SYDE2: variants seen among roughly 807,000 people sequenced by gnomAD.
SYDE2 encodes rho GTPase-activating protein SYDE2.
Under a neutral mutation model 91.5 loss-of-function variants are expected in SYDE2, and 76 were observed. The observed-to-expected ratio is 0.83, with a 90% CI of 0.69 to 1.01. SYDE2 has a LOEUF of 1.01. Ranked by LOEUF, SYDE2 falls within the 50% of genes least tolerant of loss-of-function variation. SYDE2 has a pLI of 0.00. For missense variants in SYDE2, 1,364 were observed against 1,367.7 expected (o/e 1.00, Z 0.04); for synonymous variants, 513 against 506.4 (o/e 1.01, Z -0.18).
At chr1:85,155,769 A>G (rs1180195074), downstream of SYDE2, among the ~76,000 whole-genome samples, 1 of 152,178 alleles carries the variant, frequency 6.6e-6, no homozygotes, top group African/African-American at 2.4e-5. Context: ...AGTGTTTAGA[A>G]TAAATATACA....
rs765097466 is a variant in SYDE2 at position 85,200,702 on chromosome 1, A to G, written c.295T>C (p.Phe99Leu). Residue 99 changes from phenylalanine (F) to leucine (L), a missense_variant, in exon 1 of 7, where the codon TTC (phenylalanine) becomes CTC (leucine). Phe to Leu is a conservative substitution (Grantham distance 22). Coordinates refer to ENST00000341460, the MANE Select transcript of SYDE2 (RefSeq NM_032184.2). The part of the protein sequence containing the change: ...SLRVGAKPPP[F>L]QRWPSDSWIR... ...CAGCTGTCGCTCGGCCACCGCTGGA[A>G]GGGAGGCGGCTTGGCACCCACCCGG... The G allele has an allele frequency of 6.5e-6, 10 of 1,536,476 alleles. No homozygotes were observed. In the East Asian group the frequency reaches 9.8e-5, roughly 15 times the overall value.
intron 6 of SYDE2, chr1:85,159,925 A>G: frequency 4.1e-6 from 4 of 984,674 alleles, no homozygotes; most frequent in Non-Finnish European, 4.8e-6. Context: ...AACAATCCCA[A>G]ATAACATTTT....
Position 85,189,780 on chromosome 1 carries a change from C to T in SYDE2, c.1441+277G>A, listed in dbSNP as rs146104436. Among the ~76,000 whole-genome samples the T allele has an allele frequency of 4.4e-4, 67 of 152,224 alleles. 1 individual carries two copies. The East Asian group carries it at 0.011, about 25-fold the overall frequency. On this transcript the variant is annotated intron_variant, in intron 2 of 6. Transcript: ENST00000341460. ...GAGCCTGGAGGTCAAGGCTGCGGTGCGCCATGATTGTGCCACTGCACTCTA... is the reference window on the plus strand; with the variant it reads ...GAGCCTGGAGGTCAAGGCTGCGGTGTGCCATGATTGTGCCACTGCACTCTA...
chr1:85,178,102 T>A, intron 4 of SYDE2, 44 bp downstream of exon 4: 2 of 1,440,634 alleles, frequency 1.4e-6, no homozygotes, highest in Non-Finnish European at 1.9e-6. Flanking sequence ...CTTGCAGATG[T>A]AGTCTTTCCA....
intron 1 of SYDE2, among the ~76,000 whole-genome samples, chr1:85,197,550 A>G (rs1658633935): frequency 6.6e-6 from 1 of 152,254 alleles, no homozygotes; most frequent in South Asian, 2.1e-4. Flanking sequence ...TGCAGAAAAC[A>G]TGATTTAAAA....
chr1:85,190,997 C>A (rs817452), intron 1 of SYDE2, among the ~76,000 whole-genome samples: 41,373 of 151,702 alleles, frequency 0.27, 8,068 homozygotes, highest in African/African-American at 0.55. Flanking sequence ...AAACTCTGAG[C>A]CTGCCTTTAT....
At chr1:85,193,989 C>T (rs560276146) in intron 1 of SYDE2, among the ~76,000 whole-genome samples, 7 of 151,858 alleles carry the variant, frequency 4.6e-5, no homozygotes, top group African/African-American at 1.4e-4. Context: ...TTGCTATTGC[C>T]GAATATTTTA....
At chr1:85,169,659 A>G (rs1450363861) in intron 4 of SYDE2, among the ~76,000 whole-genome samples, 2 of 152,224 alleles carry the variant, frequency 1.3e-5, no homozygotes, top group African/African-American at 2.4e-5. Flanking sequence ...AAGAGTACCA[A>G]TTGTCTGAAA....
intron 5 of SYDE2, among the ~76,000 whole-genome samples, chr1:85,167,213 C>CAA (rs74838837): frequency 2.0e-3 from 165 of 81,298 alleles, no homozygotes; most frequent in East Asian, 7.2e-3. Context: ...GACCCTGTCT[C>CAA]AAAAAAAAAA....
Position 85,200,914 on chromosome 1 carries a change from G to C in SYDE2, c.83C>G (p.Ala28Gly). 7.6e-7 allele frequency: 1 copy of C among 1,321,470 alleles called. No homozygotes were observed. Among genetic ancestry groups the C allele is most frequent in the Non-Finnish European group, 9.6e-7 (1 of 1,044,840 alleles). The allele number at this position is 1,321,470 out of a possible 1,614,324, so 81.9% of individuals were successfully genotyped here. A position where few individuals can be genotyped will look rare whatever the true frequency, so the allele number is the denominator to read the frequency against. Residue 28 changes from alanine (A) to glycine (G), a missense_variant, in exon 1 of 7, where the codon GCT (alanine) becomes GGT (glycine). Coordinates refer to ENST00000341460, the MANE Select transcript of SYDE2 (RefSeq NM_032184.2). ...ADHSFPAGAR[A>G]PGQPPSRGAA... is the part of the protein sequence containing the mutation. ...GCCGCGGGAAGGCGGCTGGCCCGGAGCCCGGGCTCCCGCGGGGAAGCTGTG... is the reference window on the plus strand; with the variant it reads ...GCCGCGGGAAGGCGGCTGGCCCGGACCCCGGGCTCCCGCGGGGAAGCTGTG...
Position 85,200,293 on chromosome 1 carries a change from C to A in SYDE2, c.704G>T (p.Arg235Leu). 1 of 1,614,018 alleles carries A rather than the reference C, an allele frequency of 6.2e-7. No individual in the cohort carries two copies. Among genetic ancestry groups the A allele is most frequent in the Non-Finnish European group, 8.5e-7 (1 of 1,179,894 alleles). The change falls in exon 1 of 7, where the codon CGT (arginine) becomes CTT (leucine). Residue 235 changes from arginine to leucine, a missense_variant. Transcript: ENST00000341460. The part of the protein sequence containing the change: ...NVGALKVREN[R>L]VLSVPPDQRI... ...TTGGTCTGGAGGCACCGACAGGACA[C>A]GGTTTTCACGCACTTTCAAAGCGCC...
At chr1:85,159,691 G>A (rs1656988748) in intron 6 of SYDE2, 1 of 228,064 alleles carries the variant, frequency 4.4e-6, no homozygotes, top group African/African-American at 2.3e-5. Flanking sequence ...GGCATCTAAA[G>A]TGATCAGCCT....
chr1:85,182,670 T>C lies in SYDE2; in HGVS notation c.1972A>G (p.Ile658Val), dbSNP rs1380973026. ...IISNSCSKNE[I>V]DIDAFRHYSF... is the part of the protein sequence containing the mutation. ...TAATGCCTAAAAGCATCAATGTCTATTTCATTCTTGCTACAACTATTTGAA... is the reference window on the plus strand; with the variant it reads ...TAATGCCTAAAAGCATCAATGTCTACTTCATTCTTGCTACAACTATTTGAA... The change falls in exon 3 of 7, where the codon ATA becomes GTA. Residue 658 changes from isoleucine (I) to valine (V), a missense_variant. Physicochemically the swap from Ile to Val is conservative, Grantham distance 29 (BLOSUM62 3). Transcript: ENST00000341460. 2 of 1,613,726 alleles carry C rather than the reference T, an allele frequency of 1.2e-6. No homozygotes were observed. Among genetic ancestry groups the C allele is most frequent in the Non-Finnish European group, 1.7e-6 (2 of 1,179,826 alleles).
rs534888124 is a variant in SYDE2, at chr1:85,181,952, C to T, written c.2544+146G>A. On this transcript the variant is annotated intron_variant, in intron 3 of 6. Transcript: ENST00000341460. ...CATGAGTCAAGTTAAAAATTATACC[C>T]TAAACAGTAATGGAATAAAAATAAA... The T allele has an allele frequency of 1.0e-4, 93 of 894,404 alleles. 1 individual carries two copies. In the South Asian group the frequency reaches 1.4e-3, roughly 13 times the overall value. The allele number at this position is 894,404 out of a possible 1,614,324, so 55.4% of individuals were successfully genotyped here.
rs1331370515 is a variant in SYDE2 at position 85,190,656 on chromosome 1, CTGT to C, written c.839_841del (p.Asn280del). 3.7e-6 allele frequency: 6 copies of C among 1,613,902 alleles called. No homozygotes were observed. The highest frequency in any genetic ancestry group is 1.1e-5 in the South Asian group (1 of 91,086). On this transcript the variant is annotated inframe_deletion, in exon 2 of 7. Coordinates refer to ENST00000341460, the MANE Select transcript of SYDE2 (RefSeq NM_032184.2). Reference sequence around the variant, plus strand: ...ATTGCGTTTCTTTGAAACAGTGATGCTGTTAAGTGGCTTATGACCTCTGAATTC... The same window carrying C: ...ATTGCGTTTCTTTGAAACAGTGATGCTAAGTGGCTTATGACCTCTGAATTC...
chr1:85,160,752 G>A, intron 6 of SYDE2: 1 of 985,218 alleles, frequency 1.0e-6, no homozygotes, highest in Non-Finnish European at 1.2e-6. Context: ...TGCTAGCCTT[G>A]AGGTTATCTG....
At chr1:85,189,606 T>G (rs1448435417) in intron 2 of SYDE2, among the ~76,000 whole-genome samples, 1 of 152,136 alleles carries the variant, frequency 6.6e-6, no homozygotes, top group African/African-American at 2.4e-5. Context: ...GAGGCCAAAG[T>G]AGGCAGATGG....
intron 5 of SYDE2, among the ~76,000 whole-genome samples, chr1:85,167,115 G>A (rs147317907): frequency 0.013 from 1,910 of 151,548 alleles, 32 homozygotes; most frequent in African/African-American, 0.045. Context: ...TTGGGGGGCT[G>A]AGGCAGGAGG....
At position 85,169,039 on chromosome 1, in the gene SYDE2, C is replaced by T. The variant is rs759445468; in HGVS notation, c.2853+5G>A. ...TCAGGAAAAATGTATACTGGTAATG[C>T]TTACCTTCTCAATCTCTGGCAGACA... On this transcript the variant is annotated splice_donor_5th_base_variant and intron_variant, in intron 5 of 6. Coordinates refer to ENST00000341460, the MANE Select transcript of SYDE2 (RefSeq NM_032184.2). 1.4e-5 allele frequency: 23 copies of T among 1,613,188 alleles called. No individual in the cohort carries two copies. The highest frequency in any genetic ancestry group is 1.1e-5 in the South Asian group (1 of 91,064).
Sources: gnomAD v4.1 joint callset for allele counts (sites outside exome capture counted in the v4.1 genomes callset) on GRCh38, gnomAD v4.1.1 for gene constraint, MANE v1.5 for transcripts, NCBI Gene and HGNC (gene_info 2026-07-23, HGNC 2026-07-21) for gene names.